Variants in LIMCH1 observed in about 807,000 individuals in gnomAD.
LIMCH1 encodes LIM and calponin homology domains-containing protein 1.
LIMCH1 carries 113 observed loss-of-function variants against 176.5 expected under a neutral mutation model. The observed-to-expected ratio is 0.64, with a 90% CI of 0.55 to 0.75. The LOEUF (loss-of-function observed/expected upper bound fraction) is 0.75, where lower values mean the gene tolerates loss of function less well. LIMCH1 is among the 30% of genes least tolerant of loss of function. The pLI, the probability that LIMCH1 is intolerant of heterozygous loss-of-function variation, is 0.00. For missense variants in LIMCH1, 1,674 were observed against 1,814.9 expected (o/e 0.92, Z 1.41); for synonymous variants, 619 against 645.9 (o/e 0.96, Z 0.63).
intron 1 of LIMCH1, among the ~76,000 whole-genome samples, chr4:41,598,383 A>AT (rs936851831): frequency 6.6e-6 from 1 of 151,878 alleles, no homozygotes; most frequent in African/African-American, 2.4e-5. Context: ...GATTGTCTAG[A>AT]TTTTTTTTCT....
intron 7 of LIMCH1, among the ~76,000 whole-genome samples, chr4:41,621,237 ATTAC>A (rs1003549063): frequency 2.6e-5 from 4 of 152,158 alleles, no homozygotes; most frequent in Non-Finnish European, 4.4e-5. Flanking sequence ...GAATGGAGTA[ATTAC>A]TTCTCTTTAA....
At chr4:41,642,475 A>G (rs1053932679) in intron 14 of LIMCH1, among the ~76,000 whole-genome samples, 3 of 152,154 alleles carry the variant, frequency 2.0e-5, no homozygotes, top group African/African-American at 7.2e-5. Context: ...CCATTAATCA[A>G]TAGTCTAAAA....
intron 24 of LIMCH1, among the ~76,000 whole-genome samples, chr4:41,680,388 G>A (rs973697715): frequency 1.3e-5 from 2 of 152,170 alleles, no homozygotes; most frequent in Non-Finnish European, 2.9e-5. Flanking sequence ...TTTTAGAGAG[G>A]TGACATGAAA....
intron 1 of LIMCH1, among the ~76,000 whole-genome samples, chr4:41,459,171 A>G (rs1048840044): frequency 6.6e-6 from 1 of 152,164 alleles, no homozygotes; most frequent in Admixed American, 6.5e-5. Context: ...CATGGCAGTA[A>G]TTACAAGGAT....
At chr4:41,596,815 G>A (rs969049170) in intron 1 of LIMCH1, among the ~76,000 whole-genome samples, 2 of 152,186 alleles carry the variant, frequency 1.3e-5, no homozygotes, top group Admixed American at 6.5e-5. Flanking sequence ...ACTTTGAGCA[G>A]CTAGCTCACT....
intron 12 of LIMCH1, 27 bp from the exon 13 acceptor site, chr4:41,633,521 G>C: frequency 6.5e-7 from 1 of 1,531,608 alleles, no homozygotes; most frequent in East Asian, 2.4e-5. Context: ...AGTGGCCTTT[G>C]ACTGGCTGGA....
chr4:41,514,852 G>A (rs2075380736), intron 2 of LIMCH1, among the ~76,000 whole-genome samples: 1 of 152,142 alleles, frequency 6.6e-6, no homozygotes, highest in Non-Finnish European at 1.5e-5. Context: ...CGTCTCAGAG[G>A]TTCTCTTCCA....
At chr4:41,456,102 T>C (rs1052201463) in intron 1 of LIMCH1, among the ~76,000 whole-genome samples, 1 of 152,208 alleles carries the variant, frequency 6.6e-6, no homozygotes, top group Non-Finnish European at 1.5e-5. Context: ...TGGATCAGTA[T>C]CTTTGATGGC....
At chr4:41,496,998 ACT>A (rs1251919144) in intron 2 of LIMCH1, among the ~76,000 whole-genome samples, 3 of 151,872 alleles carry the variant, frequency 2.0e-5, no homozygotes, top group Admixed American at 2.0e-4. Context: ...AAATATGAGG[ACT>A]CTCTACAATT....
intron 14 of LIMCH1, 76 bp from the exon 15 acceptor site, chr4:41,644,424 G>T: frequency 7.1e-7 from 1 of 1,407,178 alleles, no homozygotes. Flanking sequence ...CCCCCACGCG[G>T]CAGGACGCCC....
chr4:41,401,852 A>G (rs1398412068), intron 1 of LIMCH1, among the ~76,000 whole-genome samples: 1 of 152,134 alleles, frequency 6.6e-6, no homozygotes, highest in Non-Finnish European at 1.5e-5. Context: ...TTGGTGTATA[A>G]GAATGCTTGT....
intron 1 of LIMCH1, among the ~76,000 whole-genome samples, chr4:41,541,504 A>G (rs994420748): frequency 2.0e-5 from 3 of 152,154 alleles, no homozygotes; most frequent in African/African-American, 7.2e-5. Flanking sequence ...TTTTGACTCT[A>G]GAGATCTTCA....
chr4:41,387,245 G>C (rs2056615817), intron 1 of LIMCH1, among the ~76,000 whole-genome samples: 1 of 152,116 alleles, frequency 6.6e-6, no homozygotes, highest in Admixed American at 6.6e-5. Flanking sequence ...ATTCTTTATA[G>C]AATGTATGTA....
intron 23 of LIMCH1, among the ~76,000 whole-genome samples, chr4:41,678,312 G>A (rs1712719940): frequency 6.6e-6 from 1 of 152,012 alleles, no homozygotes; most frequent in African/African-American, 2.4e-5. Flanking sequence ...GCAGTAGTAG[G>A]TGGTAGTGTG....
intron 2 of LIMCH1, among the ~76,000 whole-genome samples, chr4:41,507,967 G>A (rs187291609): frequency 7.9e-4 from 121 of 152,266 alleles, no homozygotes; most frequent in Middle Eastern, 3.4e-3. Context: ...GAACGAAGAG[G>A]AGAAATTATT....
chr4:41,671,439 CAA>C, intron 21 of LIMCH1, 113 bp from the exon 22 acceptor site: 2 of 663,360 alleles, frequency 3.0e-6, no homozygotes, highest in Non-Finnish European at 5.2e-6. Context: ...CACACACACA[CAA>C]AATTGGTTTA....
intron 2 of LIMCH1, among the ~76,000 whole-genome samples, chr4:41,515,338 G>GC (rs759545741): frequency 2.8e-4 from 43 of 152,132 alleles, no homozygotes; most frequent in Non-Finnish European, 4.9e-4. Context: ...CAGAGACTAC[G>GC]CCTATGGAGG....
intron 1 of LIMCH1, among the ~76,000 whole-genome samples, chr4:41,435,902 A>T (rs1036300573): frequency 1.3e-5 from 2 of 152,224 alleles, no homozygotes; most frequent in Non-Finnish European, 2.9e-5. Flanking sequence ...TGACATGATG[A>T]TTCCTATAAT....
At chr4:41,486,155 C>T (rs938291696) in intron 1 of LIMCH1, among the ~76,000 whole-genome samples, 1 of 152,164 alleles carries the variant, frequency 6.6e-6, no homozygotes, top group African/African-American at 2.4e-5. Context: ...CAGCTTTTCC[C>T]CTACTGGCCC....
Sources: allele counts gnomAD v4.1 joint callset (sites outside exome capture counted in the v4.1 genomes callset), GRCh38; gene constraint gnomAD v4.1.1; transcripts MANE v1.5; gene names NCBI Gene and HGNC (gene_info 2026-07-23, HGNC 2026-07-21).